Variants in ZFAT observed in about 807,000 individuals in gnomAD.
ZFAT encodes the protein zinc finger and AT-hook domain containing.
ZFAT carries 64 observed loss-of-function variants against 117.7 expected under a neutral mutation model. The observed-to-expected ratio is 0.54, with a 90% confidence interval of 0.44 to 0.67. The LOEUF is 0.67. Among genes scored for constraint, ZFAT ranks in the 30% least tolerant of loss-of-function variants. The pLI is 0.00. For synonymous variants in ZFAT, 679 were observed against 615.0 expected, an observed-to-expected ratio of 1.10 and a Z score of -1.54; for missense variants, 1,433 against 1,584.5, an observed-to-expected ratio of 0.90 and a Z score of 1.62.
chr8:134,672,390 C>T (rs1231271302), intron 1 of ZFAT, among the ~76,000 whole-genome samples: 1 of 152,080 alleles, frequency 6.6e-6, no homozygotes, highest in Non-Finnish European at 1.5e-5. Flanking sequence ...GGGAACATCA[C>T]ACACCGGGGC....
At chr8:134,658,950 C>T (rs1418602155) in intron 1 of ZFAT, among the ~76,000 whole-genome samples, 1 of 152,226 alleles carries the variant, frequency 6.6e-6, no homozygotes, top group African/African-American at 2.4e-5. Context: ...TCAGAAAGCA[C>T]AACACTGACT....
intron 10 of ZFAT, among the ~76,000 whole-genome samples, chr8:134,566,386 T>G: frequency 4.2e-5 from 1 of 23,868 alleles, no homozygotes; most frequent in African/African-American, 1.4e-4. Flanking sequence ...AGAGCAAGAC[T>G]CCAACTCAAA....
At chr8:134,583,377 A>T (rs1825845446) in intron 10 of ZFAT, among the ~76,000 whole-genome samples, 1 of 152,200 alleles carries the variant, frequency 6.6e-6, no homozygotes, top group Non-Finnish European at 1.5e-5. Context: ...AAATCTGCCC[A>T]AATGTTGGTT....
chr8:134,482,128 T>C (rs1817352991), intron 15 of ZFAT, among the ~76,000 whole-genome samples: 1 of 152,186 alleles, frequency 6.6e-6, no homozygotes, highest in African/African-American at 2.4e-5. Context: ...TGCCCATCAC[T>C]AAGCCTGGAG....
At chr8:134,674,199 C>T (rs1378138223) in intron 1 of ZFAT, among the ~76,000 whole-genome samples, 1 of 152,136 alleles carries the variant, frequency 6.6e-6, no homozygotes, top group African/African-American at 2.4e-5. Flanking sequence ...CAAGGGAAGC[C>T]GTGAGAGGCT....
intron 3 of ZFAT, among the ~76,000 whole-genome samples, chr8:134,628,135 T>C (rs1340479741): frequency 1.3e-5 from 2 of 151,920 alleles, no homozygotes; most frequent in African/African-American, 2.4e-5. Context: ...CAGGAGAGGG[T>C]TGTGGCATTC....
the ZFAT span, chr8:134,795,400 C>A: frequency 6.6e-6 from 1 of 152,100 alleles, no homozygotes; most frequent in Non-Finnish European, 1.5e-5. Flanking sequence ...TGGAGTAATC[C>A]CTTTCCTCCC....
At chr8:134,713,664 T>G (rs1023525142), upstream of ZFAT, among the ~76,000 whole-genome samples, 3 of 152,122 alleles carry the variant, frequency 2.0e-5, no homozygotes, top group African/African-American at 7.2e-5. Flanking sequence ...TTTCTCTGCT[T>G]GTGGCACAGC....
the ZFAT span, chr8:134,723,391 C>A: frequency 1.3e-5 from 2 of 152,256 alleles, no homozygotes; most frequent in Non-Finnish European, 2.9e-5. Flanking sequence ...AAGGTGTGGG[C>A]AGGGTTTTGG....
intron 1 of ZFAT, among the ~76,000 whole-genome samples, chr8:134,682,126 C>T (rs1833100094): frequency 6.6e-6 from 1 of 152,174 alleles, no homozygotes; most frequent in Admixed American, 6.5e-5. Flanking sequence ...TTAAATTAAA[C>T]CCTCACCATG....
the ZFAT span, among the ~76,000 whole-genome samples, chr8:134,787,076 T>G: frequency 6.6e-6 from 1 of 152,124 alleles, no homozygotes; most frequent in Non-Finnish European, 1.5e-5. Flanking sequence ...CTTGAACTCC[T>G]GGTCTTAAGC....
chr8:134,637,267 C>T (rs541794607), intron 3 of ZFAT, among the ~76,000 whole-genome samples, 194 bp downstream of exon 3: 4 of 152,364 alleles, frequency 2.6e-5, no homozygotes, highest in Non-Finnish European at 5.9e-5. Flanking sequence ...GGCATCAACT[C>T]CCAGATGACA....
At chr8:134,670,650 G>T (rs1386391245) in intron 1 of ZFAT, among the ~76,000 whole-genome samples, 1 of 152,202 alleles carries the variant, frequency 6.6e-6, no homozygotes, top group Non-Finnish European at 1.5e-5. Flanking sequence ...AGAGAAAGCA[G>T]GGAAGAACTA....
intron 1 of ZFAT, among the ~76,000 whole-genome samples, chr8:134,661,543 T>C (rs1831933201): frequency 6.6e-6 from 1 of 152,128 alleles, no homozygotes; most frequent in South Asian, 2.1e-4. Context: ...TGGCTAGCCT[T>C]GGACACCTCA....
rs1826887627 is a variant in ZFAT at position 134,595,845 on chromosome 8, C to A, written c.2475+4591G>T. Among the ~76,000 whole-genome samples the A allele has an allele frequency of 2.0e-5, 3 of 152,170 alleles. No individual in the cohort carries two copies. In the South Asian group the frequency reaches 6.2e-4, roughly 32 times the overall value. The stretch of plus-strand genomic sequence containing the variant: ...AAGAGTCACAGAAACAGGCACTCAG[C>A]CAGATTATCCTACAGTCCTGATGCA... On this transcript the variant is annotated intron_variant, in intron 7 of 15. Coordinates refer to ENST00000377838, the MANE Select transcript of ZFAT (RefSeq NM_020863.4).
chr8:134,526,850 AT>A (rs1381465344), intron 12 of ZFAT, among the ~76,000 whole-genome samples: 5 of 149,876 alleles, frequency 3.3e-5, no homozygotes, highest in Admixed American at 2.0e-4. Context: ...TTTATTTTTT[AT>A]TTTTTTTTGA....
At position 134,609,155 on chromosome 8, in the gene ZFAT, TACAC is replaced by T. The variant is rs111554503; in HGVS notation, c.635-280_635-277del. On this transcript the variant is annotated intron_variant, in intron 4 of 15. Transcript: ENST00000377838. ...CTACTTATATTAAAAAGTACACATA[TACAC>T]ACACACACATATACATATATATGTA... is the stretch of plus-strand genomic sequence containing the variant. 5.9e-5 allele frequency among the ~76,000 whole-genome samples: 9 copies of T among 151,568 alleles called. No individual in the cohort carries two copies. The South Asian group carries it at 1.3e-3, about 21-fold the overall frequency.
chr8:134,506,782 C>A (rs1819446543), intron 15 of ZFAT, among the ~76,000 whole-genome samples: 1 of 152,118 alleles, frequency 6.6e-6, no homozygotes, highest in Non-Finnish European at 1.5e-5. Flanking sequence ...AACTTATGTA[C>A]AATGTAGAAT....
chr8:134,802,398 C>T, the ZFAT span, among the ~76,000 whole-genome samples: 30 of 152,136 alleles, frequency 2.0e-4, no homozygotes, highest in African/African-American at 7.2e-4. Context: ...GACGCAATAC[C>T]ACATGCATGC....
Sources: gnomAD v4.1 joint callset for allele counts (sites outside exome capture counted in the v4.1 genomes callset) on GRCh38, gnomAD v4.1.1 for gene constraint, MANE v1.5 for transcripts, NCBI Gene and HGNC (gene_info 2026-07-23, HGNC 2026-07-21) for gene names.